Variants in ABLIM3 observed in about 807,000 individuals in gnomAD.
ABLIM3 encodes the protein actin binding LIM protein family member 3.
ABLIM3 carries 61 observed loss-of-function variants against 109.5 expected under a neutral mutation model. That is an observed-to-expected ratio of 0.56 (90% confidence interval 0.45 to 0.69). The LOEUF is 0.69. ABLIM3 is among the 30% of genes least tolerant of loss of function. ABLIM3 has a pLI of 0.00. For missense variants in ABLIM3, 796 were observed against 889.5 expected (o/e 0.89, Z 1.34); for synonymous variants, 300 against 324.8 (o/e 0.92, Z 0.82).
intron 2 of ABLIM3, among the ~76,000 whole-genome samples, chr5:149,170,228 T>TTCTCTCTCTCTCTCTCTCTCTCTCTCTC (rs10644957): frequency 4.0e-5 from 5 of 124,600 alleles, no homozygotes; most frequent in African/African-American, 1.6e-4. Flanking sequence ...AGGGTTCTGT[T>TTCTCTCTCTCTCTCTCTCTCTCTCTCTC]TCTCTCTCTC....
chr5:149,227,007 T>C (rs1049729501), intron 8 of ABLIM3, among the ~76,000 whole-genome samples: 1 of 149,274 alleles, frequency 6.7e-6, no homozygotes, highest in Non-Finnish European at 1.5e-5. Flanking sequence ...GAGGCAGAGG[T>C]TGCAATGAGC....
chr5:149,257,540 G>T (rs1383923501), intron 23 of ABLIM3, among the ~76,000 whole-genome samples: 3 of 152,184 alleles, frequency 2.0e-5, no homozygotes, highest in Non-Finnish European at 4.4e-5. Flanking sequence ...TTCAAGAATA[G>T]TAAAATGAAC....
intron 3 of ABLIM3, among the ~76,000 whole-genome samples, chr5:149,184,859 GCAAA>G (rs1023811714): frequency 7.9e-4 from 120 of 152,280 alleles, no homozygotes; most frequent in African/African-American, 2.5e-3. Context: ...TCTGCACTGA[GCAAA>G]CAAATTACAT....
Position 149,217,045 on chromosome 5 carries a change from A to T in ABLIM3, c.756A>T (p.Thr252=), listed in dbSNP as rs1237937839. The T allele has an allele frequency of 6.2e-7, 1 of 1,614,116 alleles. No homozygotes were observed. Among genetic ancestry groups the T allele is most frequent in the Non-Finnish European group, 8.5e-7 (1 of 1,179,968 alleles). ...CCGAAGGAGAGGAAATGTACCTCAC[A>T]GGTAAGTAAATCTGACCCTCTGTAA... ...MFTEGEEMYL[T]GSEVWHPICK... is the part of the protein sequence containing the mutation. The change falls in exon 8 of 24, where the codon ACA becomes ACT. Residue 252 remains threonine, a splice_region_variant and synonymous_variant. Transcript: ENST00000309868.
At chr5:149,249,976 T>A in intron 19 of ABLIM3, 132 bp downstream of exon 19, 2 of 1,121,108 alleles carry the variant, frequency 1.8e-6, no homozygotes, top group East Asian at 4.8e-5. Flanking sequence ...TCAAATAGTC[T>A]ACTCCATTGT....
At chr5:149,170,759 T>C (rs1018782764) in intron 2 of ABLIM3, among the ~76,000 whole-genome samples, 2 of 152,224 alleles carry the variant, frequency 1.3e-5, no homozygotes, top group Non-Finnish European at 2.9e-5. Context: ...TTCCTAAAGA[T>C]AAAATGGAAT....
chr5:149,247,718 C>G (rs1469221845), intron 17 of ABLIM3, 64 bp from the exon 18 acceptor site: 1 of 1,607,418 alleles, frequency 6.2e-7, no homozygotes, highest in African/African-American at 1.3e-5. Flanking sequence ...CTTGCCCAAG[C>G]CCGTTCCATC....
chr5:149,187,768 A>T (rs1231760994), intron 3 of ABLIM3, among the ~76,000 whole-genome samples: 2 of 152,064 alleles, frequency 1.3e-5, no homozygotes, highest in Non-Finnish European at 2.9e-5. Context: ...ACCCTAACTC[A>T]TTCAGATTAC....
chr5:149,227,493 T>G (rs1042852332), intron 8 of ABLIM3, among the ~76,000 whole-genome samples: 1 of 152,200 alleles, frequency 6.6e-6, no homozygotes, highest in Non-Finnish European at 1.5e-5. Context: ...CTTTATCACA[T>G]AACATTCCAA....
chr5:149,183,378 TATG>T, intron 2 of ABLIM3, 71 bp from the exon 3 acceptor site: 1 of 1,427,252 alleles, frequency 7.0e-7, no homozygotes, highest in Non-Finnish European at 9.3e-7. Context: ...CAGCTACAAT[TATG>T]ATAATGTCTT....
chr5:149,248,859 GACACACACACACACACACACACACAC>G, intron 18 of ABLIM3, among the ~76,000 whole-genome samples: 1 of 144,698 alleles, frequency 6.9e-6, no homozygotes, highest in Non-Finnish European at 1.5e-5. Context: ...CCTATTCCTG[GACACACACACACACACACACACACAC>G]ACACACACAC....
At chr5:149,162,838 C>A (rs532939284) in intron 2 of ABLIM3, among the ~76,000 whole-genome samples, 3 of 152,336 alleles carry the variant, frequency 2.0e-5, no homozygotes, top group African/African-American at 7.2e-5. Flanking sequence ...GCAGGCAGGA[C>A]TTCTCCCTGC....
chr5:149,205,794 A>T lies in ABLIM3; in HGVS notation c.449-1214A>T, dbSNP rs73798038. Among the ~76,000 whole-genome samples the T allele has an allele frequency of 1.7e-3, 253 of 152,326 alleles. 2 individuals carry two copies. Among genetic ancestry groups the T allele is most frequent in the African/African-American group, 5.6e-3 (234 of 41,576 alleles). ...ACTAAGGGATGTTAGAAAGGCACGCAACAGCCAAGAGGCGGAGTACTGTGG... is the reference window on the plus strand; with the variant it reads ...ACTAAGGGATGTTAGAAAGGCACGCTACAGCCAAGAGGCGGAGTACTGTGG... On this transcript the variant is annotated intron_variant, in intron 5 of 23. Coordinates refer to ENST00000309868, the MANE Select transcript of ABLIM3 (RefSeq NM_014945.5).
chr5:149,243,150 G>T (rs1367770608), intron 15 of ABLIM3, among the ~76,000 whole-genome samples: 2 of 152,138 alleles, frequency 1.3e-5, no homozygotes, highest in Non-Finnish European at 2.9e-5. Flanking sequence ...TGGACCATCT[G>T]CACCTGAGAG....
intron 21 of ABLIM3, 103 bp downstream of exon 21, chr5:149,251,522 C>T: frequency 7.4e-7 from 1 of 1,346,408 alleles, no homozygotes; most frequent in East Asian, 2.5e-5. Context: ...GATTCTGTCC[C>T]CACGCTGGGC....
At chr5:149,160,284 G>A (rs866790861) in intron 2 of ABLIM3, among the ~76,000 whole-genome samples, 4 of 151,704 alleles carry the variant, frequency 2.6e-5, no homozygotes, top group Admixed American at 6.6e-5. Context: ...GTAAAACCCC[G>A]TCTCTACTAA....
intron 4 of ABLIM3, among the ~76,000 whole-genome samples, chr5:149,199,436 A>T (rs1462209615): frequency 6.6e-6 from 1 of 152,192 alleles, no homozygotes; most frequent in Non-Finnish European, 1.5e-5. Context: ...CAGCTCTTAA[A>T]ACCTGAGCCC....
chr5:149,259,818 CAA>C lies in ABLIM3; in HGVS notation c.*1415_*1416del, dbSNP rs1754752972. The C allele has an allele frequency of 8.8e-6, 5 of 571,200 alleles. No individual in the cohort carries two copies. The highest frequency in any genetic ancestry group is 3.1e-6 in the Non-Finnish European group (1 of 321,072). The allele number at this position is 571,200 out of a possible 1,614,324, so 35.4% of individuals were successfully genotyped here. A position where few individuals can be genotyped will look rare whatever the true frequency, so the allele number is the denominator to read the frequency against. On this transcript the variant is annotated 3_prime_UTR_variant, in exon 24 of 24. Transcript: ENST00000309868. ...AAGTGAAAATGACAATAATGACTCT[CAA>C]GAGGCTGGCGATGTGACATGGCAAA...
chr5:149,254,848 C>T (rs573560330), intron 23 of ABLIM3, among the ~76,000 whole-genome samples: 2 of 152,254 alleles, frequency 1.3e-5, no homozygotes, highest in South Asian at 4.1e-4. Flanking sequence ...ACAGGGGCCC[C>T]ACAGTAGACC....
Sources: allele counts gnomAD v4.1 joint callset (sites outside exome capture counted in the v4.1 genomes callset), GRCh38; gene constraint gnomAD v4.1.1; transcripts MANE v1.5; gene names NCBI Gene and HGNC (gene_info 2026-07-23, HGNC 2026-07-21).